GALK2: variants seen among roughly 807,000 people sequenced by gnomAD.
The protein encoded by GALK2 is galactokinase 2.
GALK2 carries 36 observed loss-of-function variants against 52.4 expected under a neutral mutation model. That is an observed-to-expected ratio of 0.69 (90% CI 0.53 to 0.91). The LOEUF (loss-of-function observed/expected upper bound fraction) is 0.91, where lower values mean the gene tolerates loss of function less well. Among genes scored for constraint, GALK2 ranks in the 40% least tolerant of loss-of-function variants. GALK2 has a pLI of 0.00. For missense variants in GALK2, 579 were observed against 559.1 expected (o/e 1.04, Z -0.36); for synonymous variants, 176 against 199.1 (o/e 0.88, Z 0.98).
intron 5 of GALK2, among the ~76,000 whole-genome samples, chr15:49,251,530 C>G (rs1007281516): frequency 6.6e-6 from 1 of 152,110 alleles, no homozygotes; most frequent in Non-Finnish European, 1.5e-5. Flanking sequence ...AACATGAGAT[C>G]TACCCTCTTA....
At chr15:49,244,739 A>G (rs1660376163) in intron 5 of GALK2, among the ~76,000 whole-genome samples, 2 of 152,198 alleles carry the variant, frequency 1.3e-5, no homozygotes, top group African/African-American at 2.4e-5. Context: ...GTATTTGTAG[A>G]ACATAAGGGG....
chr15:49,200,395 T>G (rs1461506427), intron 1 of GALK2, among the ~76,000 whole-genome samples: 1 of 152,190 alleles, frequency 6.6e-6, no homozygotes, highest in Non-Finnish European at 1.5e-5. Context: ...TCATATCTAC[T>G]TGAAACTGCA....
intron 9 of GALK2, among the ~76,000 whole-genome samples, chr15:49,323,021 G>A (rs1053396513): frequency 6.6e-6 from 1 of 151,728 alleles, no homozygotes; most frequent in Non-Finnish European, 1.5e-5. Flanking sequence ...GCAAGAAGGA[G>A]GGGTTCAGAA....
In GALK2 at chr15:49,338,946, C is replaced by T. The variant is rs147689728; in HGVS notation, c.426+19141C>T. 5.4e-3 allele frequency among the ~76,000 whole-genome samples: 820 copies of T among 152,228 alleles called. 3 individuals are homozygous for T. The highest frequency in any genetic ancestry group is 8.3e-3 in the Non-Finnish European group (566 of 68,008). On this transcript the variant is annotated intron_variant, in intron 3 of 3. Transcript: ENST00000558399. The stretch of plus-strand genomic sequence containing the variant: ...GCTATTGATACTTGTGTATGCTTCA[C>T]GAAGTTCTCATGCTGTGTTTTTCAG...
rs528596836 is a variant in GALK2, at chr15:49,293,865, C to T, written c.967+1328C>T. 1.1e-3 allele frequency among the ~76,000 whole-genome samples: 167 copies of T among 151,858 alleles called. 4 individuals are homozygous for T. The South Asian group carries it at 0.027, about 25-fold the overall frequency. On this transcript the variant is annotated intron_variant, in intron 8 of 9. Transcript: ENST00000560031. ...CTGTAATTCCAGCACTTTGGGAAGC[C>T]GAGGTGGGTGGATCACTTGAGGCCA...
In GALK2 at chr15:49,328,147, G is replaced by T; in HGVS notation, c.1365G>T (p.Leu455Phe). The T allele has an allele frequency of 6.2e-7, 1 of 1,613,590 alleles. No individual in the cohort carries two copies. The highest frequency in any genetic ancestry group is 8.5e-7 in the Non-Finnish European group (1 of 1,179,754). The change falls in exon 10 of 10, where the codon TTG (leucine) becomes TTT (phenylalanine). Residue 455 changes from leucine to phenylalanine, a missense_variant. Physicochemically the swap from Leu to Phe is conservative, Grantham distance 22 (BLOSUM62 0). Coordinates refer to ENST00000560031, the MANE Select transcript of GALK2 (RefSeq NM_002044.4). Reference protein sequence around the residue: ...ATKPGGGALVLLEA With the variant: ...ATKPGGGALVFLEA The stretch of plus-strand genomic sequence containing the variant: ...AACCTGGAGGTGGGGCTTTGGTTTT[G>T]CTTGAGGCCTGAAAAAATGTAAAAA...
At chr15:49,261,696 C>T (rs1055684458) in intron 5 of GALK2, among the ~76,000 whole-genome samples, 1 of 151,842 alleles carries the variant, frequency 6.6e-6, no homozygotes, top group African/African-American at 2.4e-5. Context: ...ATGATATTGG[C>T]TGTGGGTTTG....
intron 9 of GALK2, among the ~76,000 whole-genome samples, chr15:49,323,684 G>A (rs1032799070): frequency 6.6e-6 from 1 of 152,140 alleles, no homozygotes; most frequent in Admixed American, 6.5e-5. Flanking sequence ...TAGCATATAG[G>A]ACAATGTATA....
intron 3 of GALK2, among the ~76,000 whole-genome samples, chr15:49,225,514 G>A (rs139009130): frequency 0.016 from 2,374 of 152,308 alleles, 26 homozygotes; most frequent in Middle Eastern, 0.027. Context: ...ATGATCTGAG[G>A]TAGAACAGTT....
At chr15:49,287,186 C>T (rs1252208034) in intron 7 of GALK2, among the ~76,000 whole-genome samples, 1 of 152,160 alleles carries the variant, frequency 6.6e-6, no homozygotes, top group Non-Finnish European at 1.5e-5. Context: ...TGCGTAACCC[C>T]ATATGCATTT....
At chr15:49,232,925 C>T (rs1169420766) in intron 3 of GALK2, among the ~76,000 whole-genome samples, 1 of 152,208 alleles carries the variant, frequency 6.6e-6, no homozygotes. Context: ...TAGGAAGTTA[C>T]AAATTTTCCT....
intron 8 of GALK2, among the ~76,000 whole-genome samples, chr15:49,300,803 T>G (rs1194429010): frequency 2.0e-5 from 3 of 152,188 alleles, no homozygotes; most frequent in African/African-American, 7.2e-5. Flanking sequence ...TCCTGAGGCC[T>G]CCCCAGCCAT....
At chr15:49,162,983 T>G (rs576774644) in intron 1 of GALK2, among the ~76,000 whole-genome samples, 1 of 152,354 alleles carries the variant, frequency 6.6e-6, no homozygotes, top group East Asian at 1.9e-4. Context: ...AGAATAGATG[T>G]GAATGCAGTT....
intron 1 of GALK2, among the ~76,000 whole-genome samples, chr15:49,191,862 GT>G (rs76137031): frequency 0.89 from 134,488 of 151,252 alleles, 61,683 homozygotes; most frequent in Non-Finnish European, 1. Flanking sequence ...GATTTTCTGT[GT>G]TTTTTTTTTC....
chr15:49,325,435 A>G (rs2037313555), intron 9 of GALK2, among the ~76,000 whole-genome samples: 1 of 152,246 alleles, frequency 6.6e-6, no homozygotes, highest in Non-Finnish European at 1.5e-5. Flanking sequence ...AAAAGGCGCA[A>G]ACATGAAAAG....
At chr15:49,156,393 A>G (rs2084450720) in intron 1 of GALK2, 3 of 423,306 alleles carry the variant, frequency 7.1e-6, no homozygotes, top group South Asian at 6.2e-5. Flanking sequence ...GAAATCCGCA[A>G]CATGAAGCCC....
At position 49,281,572 on chromosome 15, in the gene GALK2, C is replaced by G. The variant is rs2032703398; in HGVS notation, c.505-415C>G. ...GACAGGAAAATAAAGTTTAATGACC[C>G]CACTTTGGTTATGGGTAGACTGTGG... On this transcript the variant is annotated intron_variant, in intron 5 of 9. Transcript: ENST00000560031. Among the ~76,000 whole-genome samples, 3 of 152,056 alleles carry G rather than the reference C, an allele frequency of 2.0e-5. No individual in the cohort carries two copies. In the South Asian group the frequency reaches 6.2e-4, roughly 32 times the overall value.
At position 49,271,480 on chromosome 15, in the gene GALK2, C is replaced by G. The variant is rs367819088; in HGVS notation, c.505-10507C>G. Among the ~76,000 whole-genome samples the G allele has an allele frequency of 2.7e-4, 41 of 152,254 alleles. 1 individual carries two copies. The South Asian group carries it at 4.8e-3, about 18-fold the overall frequency. The stretch of plus-strand genomic sequence containing the variant: ...TTTGGGGGCTCCTGAATTTTGGGAT[C>G]CTGGTCTACTCCTGAAACCTTTCCC... On this transcript the variant is annotated intron_variant, in intron 5 of 9. Coordinates refer to ENST00000560031, the MANE Select transcript of GALK2 (RefSeq NM_002044.4).
intron 3 of GALK2, among the ~76,000 whole-genome samples, chr15:49,225,623 G>A (rs2090088058): frequency 6.6e-6 from 1 of 152,230 alleles, no homozygotes; most frequent in African/African-American, 2.4e-5. Flanking sequence ...GGGGACTGCT[G>A]CTGTAGAGGG....
Sources: allele counts gnomAD v4.1 joint callset (sites outside exome capture counted in the v4.1 genomes callset), GRCh38; gene constraint gnomAD v4.1.1; transcripts MANE v1.5; gene names NCBI Gene and HGNC (gene_info 2026-07-23, HGNC 2026-07-21).